CADM3: variants seen among roughly 807,000 people sequenced by gnomAD.
The protein encoded by CADM3 is TSLC1-like 1.
CADM3 carries 11 observed loss-of-function variants against 44.9 expected under a neutral mutation model. The ratio of observed to expected loss-of-function variants is 0.25; its 90% confidence interval spans 0.15 to 0.41. CADM3 has a LOEUF of 0.41. Among genes scored for constraint, CADM3 ranks in the 10% least tolerant of loss-of-function variants. CADM3 has a pLI of 1.00. For missense variants in CADM3, 426 were observed against 512.0 expected (o/e 0.83, Z 1.62); for synonymous variants, 207 against 205.2 (o/e 1.01, Z -0.08).
chr1:159,200,129 C>T (rs543859966), intron 8 of CADM3, among the ~76,000 whole-genome samples: 5 of 152,330 alleles, frequency 3.3e-5, no homozygotes, highest in South Asian at 2.1e-4. Flanking sequence ...ACTCAGTCAG[C>T]GGTTGCTCCC....
At chr1:159,176,630 G>T (rs772416675) in intron 1 of CADM3, among the ~76,000 whole-genome samples, 15 of 152,152 alleles carry the variant, frequency 9.9e-5, no homozygotes, top group Non-Finnish European at 2.2e-4. Flanking sequence ...GGTGCCCAGG[G>T]CTCCAATAAC....
At chr1:159,200,026 C>T in intron 8 of CADM3, 150 bp downstream of exon 8, 1 of 995,910 alleles carries the variant, frequency 1.0e-6, no homozygotes, top group Non-Finnish European at 1.5e-6. Flanking sequence ...GGAGCCAACC[C>T]TATCATTGCC....
At chr1:159,200,064 C>G (rs1282069898) in intron 8 of CADM3, among the ~76,000 whole-genome samples, 188 bp downstream of exon 8, 1 of 152,146 alleles carries the variant, frequency 6.6e-6, no homozygotes, top group East Asian at 1.9e-4. Context: ...GCACCACCAA[C>G]CCCGCAGTAA....
chr1:159,175,356 G>T (rs1404814883), intron 1 of CADM3, among the ~76,000 whole-genome samples: 2 of 152,186 alleles, frequency 1.3e-5, no homozygotes, highest in Non-Finnish European at 2.9e-5. Context: ...TTTCATGTAG[G>T]TCCTAATGTA....
At chr1:159,191,199 T>A (rs774483454) in intron 1 of CADM3, among the ~76,000 whole-genome samples, 1 of 152,240 alleles carries the variant, frequency 6.6e-6, no homozygotes, top group Non-Finnish European at 1.5e-5. Context: ...TTAGAAAGCA[T>A]GTTTTCATCA....
rs1650166111 is a variant in CADM3 at position 159,200,958 on chromosome 1, C to T, written c.*36C>T. The T allele has an allele frequency of 6.7e-7, 1 of 1,493,958 alleles. No homozygotes were observed. Among genetic ancestry groups the T allele is most frequent in the African/African-American group, 1.4e-5 (1 of 71,222 alleles). The allele number at this position is 1,493,958 out of a possible 1,614,324, so 92.5% of individuals were successfully genotyped here. On this transcript the variant is annotated 3_prime_UTR_variant, in exon 9 of 9. Coordinates refer to ENST00000368125, the MANE Select transcript of CADM3 (RefSeq NM_001127173.3). ...CCACTTCCTGCGCCCCCCAGGGGCC[C>T]TGTGGGGACTGCTGGGGCCGTCACC...
chr1:159,191,165 T>TAAACA (rs1649646694), intron 1 of CADM3, among the ~76,000 whole-genome samples: 3 of 152,222 alleles, frequency 2.0e-5, no homozygotes, highest in Non-Finnish European at 4.4e-5. Context: ...TTTGTTTTGT[T>TAAACA]TAACTTGACT....
chr1:159,173,178 G>A (rs1430334248), intron 1 of CADM3, among the ~76,000 whole-genome samples: 1 of 151,250 alleles, frequency 6.6e-6, no homozygotes, highest in African/African-American at 2.4e-5. Flanking sequence ...AAGGGGAGGT[G>A]GCTCCTGGGC....
intron 1 of CADM3, among the ~76,000 whole-genome samples, chr1:159,178,865 A>G (rs1035377855): frequency 2.6e-5 from 4 of 152,244 alleles, no homozygotes; most frequent in South Asian, 2.1e-4. Context: ...TTCCCATGTC[A>G]ATTTATGGAT....
At position 159,182,275 on chromosome 1, in the gene CADM3, C is replaced by T. The variant is rs145939420; in HGVS notation, c.89-9661C>T. The stretch of plus-strand genomic sequence containing the variant: ...CTTCATCATAACCAAACTTCTCCAA[C>T]CTACTGGGCATTTAGTAGACTTACT... On this transcript the variant is annotated intron_variant, in intron 1 of 8. Transcript: ENST00000368125. Among the ~76,000 whole-genome samples, 769 of 152,336 alleles carry T rather than the reference C, an allele frequency of 5.0e-3. 3 individuals are homozygous for T. The highest frequency in any genetic ancestry group is 0.016 in the African/African-American group (678 of 41,592).
chr1:159,193,154 C>T (rs1173279634), intron 3 of CADM3, among the ~76,000 whole-genome samples: 1 of 152,214 alleles, frequency 6.6e-6, no homozygotes, highest in Non-Finnish European at 1.5e-5. Flanking sequence ...CACACTATTT[C>T]TGTGGCCACC....
chr1:159,190,260 C>T (rs1403684878), intron 1 of CADM3, among the ~76,000 whole-genome samples: 1 of 152,098 alleles, frequency 6.6e-6, no homozygotes, highest in East Asian at 1.9e-4. Flanking sequence ...TTTCTCAAAC[C>T]ATTTGAGAGG....
At chr1:159,187,737 G>A (rs1459544772) in intron 1 of CADM3, among the ~76,000 whole-genome samples, 2 of 152,064 alleles carry the variant, frequency 1.3e-5, no homozygotes, top group Admixed American at 6.6e-5. Flanking sequence ...AACCAATTTG[G>A]TTCCCTACTG....
At chr1:159,194,144 G>A (rs954436404) in intron 5 of CADM3, 104 bp downstream of exon 5, 9 of 1,241,376 alleles carry the variant, frequency 7.3e-6, no homozygotes, top group African/African-American at 1.5e-5. Context: ...ACAGTTAAGT[G>A]AATAGGTAAA....
At chr1:159,189,901 G>A in intron 1 of CADM3, 2 of 1,490,862 alleles carry the variant, frequency 1.3e-6, no homozygotes, top group Non-Finnish European at 1.8e-6. Context: ...TCATCTCAAT[G>A]TCCCTCAGTT....
rs557217087 is a variant in CADM3, at chr1:159,192,660, C to T, written c.312C>T (p.Asp104=). 2.7e-5 allele frequency: 44 copies of T among 1,614,152 alleles called. No homozygotes were observed. The highest frequency in any genetic ancestry group is 2.3e-4 in the South Asian group (21 of 91,076). Residue 104 remains aspartate, a synonymous_variant, in exon 3 of 9, where the codon GAC becomes GAT. Transcript: ENST00000368125. Reference sequence around the variant, plus strand: ...GCATCAGCAATGTGGCCCTGGCAGACGAGGGCGAGTACACCTGCTCAATCT... The same window carrying T: ...GCATCAGCAATGTGGCCCTGGCAGATGAGGGCGAGTACACCTGCTCAATCT... ...SISISNVALA[D]EGEYTCSIFT...
intron 1 of CADM3, among the ~76,000 whole-genome samples, chr1:159,187,167 T>C (rs1649450821): frequency 1.3e-5 from 2 of 152,226 alleles, no homozygotes; most frequent in African/African-American, 4.8e-5. Context: ...TTGGACAGAA[T>C]ACATGCTCTG....
In CADM3 at chr1:159,179,378, A is replaced by AT. The variant is rs566078654; in HGVS notation, c.88+7527dup. 1.9e-3 allele frequency among the ~76,000 whole-genome samples: 295 copies of AT among 152,306 alleles called. 4 individuals are homozygous for AT. The highest frequency in any genetic ancestry group is 6.8e-3 in the African/African-American group (281 of 41,564). On this transcript the variant is annotated intron_variant, in intron 1 of 8. Coordinates refer to ENST00000368125, the MANE Select transcript of CADM3 (RefSeq NM_001127173.3). ...CCAGCTAGACTTACACTAACTGTGT[A>AT]TTGATTGCTAATTATAAGCACCTTT... is the stretch of plus-strand genomic sequence containing the variant.
chr1:159,189,982 A>T lies in CADM3; in HGVS notation c.89-1954A>T, dbSNP rs919704786. On this transcript the variant is annotated intron_variant, in intron 1 of 8. Transcript: ENST00000368125. ...ACATGTTCTCACTCCTCTCATTACC[A>T]CACAGCACTTTCTCCTTTCCATCTG... is the stretch of plus-strand genomic sequence containing the variant. The T allele has an allele frequency of 7.0e-6, 5 of 713,310 alleles. No homozygotes were observed. In the South Asian group the frequency reaches 9.3e-5, roughly 13 times the overall value. The allele number at this position is 713,310 out of a possible 1,614,324, so 44.2% of individuals were successfully genotyped here. A position where few individuals can be genotyped will look rare whatever the true frequency, so the allele number is the denominator to read the frequency against.
Sources: gnomAD v4.1 joint callset for allele counts (sites outside exome capture counted in the v4.1 genomes callset) on GRCh38, gnomAD v4.1.1 for gene constraint, MANE v1.5 for transcripts, NCBI Gene and HGNC (gene_info 2026-07-23, HGNC 2026-07-21) for gene names.